The following PHYKPL variants were observed in gnomAD, a reference collection of about 807,000 sequenced individuals.
PHYKPL encodes the protein 5-phosphonooxy-L-lysine phospho-lyase.
Under a neutral mutation model 51.3 loss-of-function variants are expected in PHYKPL, and 42 were observed. The observed-to-expected ratio is 0.82, with a 90% CI of 0.64 to 1.06. The LOEUF (loss-of-function observed/expected upper bound fraction) is 1.06. Ranked by LOEUF, PHYKPL falls within the 50% of genes least tolerant of loss-of-function variation. The probability of loss-of-function intolerance (pLI) is 0.00; values close to 1 mark genes in which losing one functional copy is unlikely to be tolerated. For synonymous variants in PHYKPL, 264 were observed against 236.0 expected (o/e 1.12, Z -1.09); for missense variants, 655 against 586.6 (o/e 1.12, Z -1.20).
intron 4 of PHYKPL, chr5:178,225,088 A>G (rs1762022942): frequency 1.8e-6 from 1 of 569,584 alleles, no homozygotes; most frequent in Admixed American, 3.1e-5. Context: ...CTGCTGGAGT[A>G]GTTTGAACAT....
intron 12 of PHYKPL, chr5:178,210,688 TATG>T: frequency 2.3e-6 from 3 of 1,282,332 alleles, no homozygotes; most frequent in Non-Finnish European, 3.4e-6. Flanking sequence ...TGAACACAAT[TATG>T]TACCAAATTT....
intron 12 of PHYKPL, chr5:178,209,590 T>C (rs1757550386): frequency 1.4e-6 from 1 of 698,860 alleles, no homozygotes; most frequent in Non-Finnish European, 2.5e-6. Flanking sequence ...TAGGAACGGC[T>C]CTGGGTCAGG....
intron 12 of PHYKPL, chr5:178,209,987 C>T (rs1272331554): frequency 1.4e-5 from 15 of 1,037,662 alleles, no homozygotes; most frequent in Non-Finnish European, 1.2e-5. Context: ...GGGCCCAGGG[C>T]CCTTATACAC....
intron 12 of PHYKPL, chr5:178,210,917 A>G: frequency 2.3e-6 from 1 of 439,366 alleles, no homozygotes; most frequent in Non-Finnish European, 4.1e-6. Flanking sequence ...TGCAGCCTGG[A>G]CCTGTGGACC....
intron 6 of PHYKPL, among the ~76,000 whole-genome samples, 175 bp from the exon 7 acceptor site, chr5:178,223,109 CA>C (rs1554112681): frequency 2.0e-5 from 3 of 152,186 alleles, no homozygotes; most frequent in Non-Finnish European, 4.4e-5. Context: ...CTCAGGCCTC[CA>C]GCCAACTCTT....
chr5:178,212,566 C>A (rs1316701153), intron 11 of PHYKPL, among the ~76,000 whole-genome samples: 2 of 152,260 alleles, frequency 1.3e-5, no homozygotes, highest in Admixed American at 6.5e-5. Context: ...ACCAATCTTT[C>A]AGCCACCCAG....
chr5:178,216,078 T>C (rs1171818680), intron 8 of PHYKPL: 3 of 152,244 alleles, frequency 2.0e-5, no homozygotes, highest in Non-Finnish European at 2.9e-5. Flanking sequence ...AGGTGACAAA[T>C]GTATGTACCT....
intron 1 of PHYKPL, chr5:178,232,089 C>T (rs1763583353): frequency 8.4e-7 from 1 of 1,190,566 alleles, no homozygotes; most frequent in South Asian, 1.6e-5. Context: ...TTTCAGCCCC[C>T]TCCCAGGTCA....
intron 8 of PHYKPL, among the ~76,000 whole-genome samples, chr5:178,219,671 C>T (rs967747634): frequency 6.6e-6 from 1 of 151,868 alleles, no homozygotes. Context: ...AGGATGGTCT[C>T]GATCTCCTGA....
intron 12 of PHYKPL, 185 bp downstream of exon 12, chr5:178,211,705 C>G (rs561146656): frequency 3.7e-5 from 22 of 589,346 alleles, no homozygotes; most frequent in African/African-American, 2.4e-4. Flanking sequence ...TATAGCTGTT[C>G]CTGCCATCAA....
intron 11 of PHYKPL, 111 bp downstream of exon 11, chr5:178,212,862 G>A: frequency 7.0e-7 from 1 of 1,433,654 alleles, no homozygotes; most frequent in Non-Finnish European, 9.4e-7. Context: ...CAGAGGACAT[G>A]TGCCTCTGCT....
At chr5:178,210,971 C>CT (rs1031326437) in intron 12 of PHYKPL, 2 of 272,282 alleles carry the variant, frequency 7.3e-6, no homozygotes, top group Admixed American at 4.9e-5. Context: ...CCAGTGTCAC[C>CT]TTTTTTTCAC....
chr5:178,208,418 G>T (rs926340745), downstream of PHYKPL: 1 of 152,180 alleles, frequency 6.6e-6, no homozygotes, highest in Non-Finnish European at 1.5e-5. Flanking sequence ...TGCCATAATG[G>T]GAAATGGGTG....
At chr5:178,209,517 G>A in intron 12 of PHYKPL, 2 of 1,332,384 alleles carry the variant, frequency 1.5e-6, no homozygotes, top group Non-Finnish European at 2.2e-6. Flanking sequence ...CCTGTCTTGG[G>A]GCTCCCTCTG....
intron 8 of PHYKPL, chr5:178,215,689 A>C: frequency 4.3e-6 from 2 of 464,528 alleles, no homozygotes; most frequent in Non-Finnish European, 7.6e-6. Flanking sequence ...AAGATACAGA[A>C]TCAGAGGAGA....
chr5:178,210,494 C>G, intron 12 of PHYKPL: 1 of 1,544,256 alleles, frequency 6.5e-7, no homozygotes. Flanking sequence ...GCATATCAAG[C>G]GCGTGGCACA....
rs773866148 is a variant in PHYKPL, at chr5:178,224,527, TCCCGGTAGGGGC to T, written c.527_538del (p.Gly176_Arg179del). 20 of 1,614,082 alleles carry T rather than the reference TCCCGGTAGGGGC, an allele frequency of 1.2e-5. No homozygotes were observed. The highest frequency in any genetic ancestry group is 3.3e-4 in the Middle Eastern group (2 of 6,062). ...GGCCATAGCTGGGTTGGGGTGGTCC[TCCCGGTAGGGGC>T]CCCGGTAGGTGTCTGGGAGAGGTGC... On this transcript the variant is annotated inframe_deletion, in exon 6 of 13. Transcript: ENST00000308158.
chr5:178,209,571 G>A (rs1047930633), intron 12 of PHYKPL: 9 of 773,452 alleles, frequency 1.2e-5, no homozygotes, highest in South Asian at 1.1e-4. Context: ...GGTTGGGGAC[G>A]AACAGGAATA....
chr5:178,213,167 A>G, intron 10 of PHYKPL, 64 bp from the exon 11 acceptor site: 3 of 1,590,804 alleles, frequency 1.9e-6, no homozygotes, highest in Non-Finnish European at 2.6e-6. Context: ...CCTTGGCCTC[A>G]TGTCCAGTGC....
Sources: gnomAD v4.1 joint callset for allele counts (sites outside exome capture counted in the v4.1 genomes callset) on GRCh38, gnomAD v4.1.1 for gene constraint, MANE v1.5 for transcripts, NCBI Gene and HGNC (gene_info 2026-07-23, HGNC 2026-07-21) for gene names.